Variants in GABRB3 observed in about 807,000 individuals in gnomAD.
GABRB3 encodes gamma-aminobutyric acid receptor subunit beta-3.
A neutral mutation model predicts 52.1 loss-of-function variants in GABRB3; 14 were observed. The observed-to-expected ratio is 0.27, with a 90% CI of 0.18 to 0.42. The LOEUF (loss-of-function observed/expected upper bound fraction) is 0.42, where lower values mean the gene tolerates loss of function less well. Among genes scored for constraint, GABRB3 ranks in the 10% least tolerant of loss-of-function variants. GABRB3 has a pLI of 1.00. For synonymous variants in GABRB3, 260 were observed against 232.3 expected, an observed-to-expected ratio of 1.12 and a Z score of -1.08; for missense variants, 307 against 609.1, an observed-to-expected ratio of 0.50 and a Z score of 5.22.
chr15:26,662,213 A>T (rs1254930406), intron 3 of GABRB3, among the ~76,000 whole-genome samples: 1 of 152,206 alleles, frequency 6.6e-6, no homozygotes, highest in Non-Finnish European at 1.5e-5. Context: ...ATTTCATACA[A>T]AGAAAATAGG....
At chr15:26,671,811 A>G (rs1238299252) in intron 3 of GABRB3, among the ~76,000 whole-genome samples, 2 of 152,008 alleles carry the variant, frequency 1.3e-5, no homozygotes, top group South Asian at 2.1e-4. Context: ...CCACGGGGGG[A>G]CAAGGTGGTG....
chr15:26,743,528 C>G (rs1259658840), intron 3 of GABRB3, among the ~76,000 whole-genome samples: 2 of 152,120 alleles, frequency 1.3e-5, no homozygotes, highest in Non-Finnish European at 2.9e-5. Context: ...TTTCTCAAGT[C>G]AGAATAATGC....
intron 3 of GABRB3, among the ~76,000 whole-genome samples, chr15:26,671,616 G>A (rs144859920): frequency 5.3e-5 from 8 of 152,308 alleles, no homozygotes; most frequent in East Asian, 1.9e-4. Context: ...TGGATGAGTC[G>A]TATTAAAGAA....
intron 3 of GABRB3, among the ~76,000 whole-genome samples, chr15:26,702,035 C>T (rs1478699572): frequency 6.6e-6 from 1 of 152,118 alleles, no homozygotes; most frequent in Non-Finnish European, 1.5e-5. Flanking sequence ...TAGGCGAAAA[C>T]ATCCATACCC....
At chr15:26,754,331 C>A (rs1382792397) in intron 3 of GABRB3, among the ~76,000 whole-genome samples, 1 of 152,086 alleles carries the variant, frequency 6.6e-6, no homozygotes, top group Admixed American at 6.5e-5. Flanking sequence ...AAGAGAGAGA[C>A]AGAGACAGAG....
At chr15:26,658,321 AT>A (rs1247428296) in intron 3 of GABRB3, 1 of 152,224 alleles carries the variant, frequency 6.6e-6, no homozygotes, top group East Asian at 1.9e-4. Flanking sequence ...TGAGGAAATA[AT>A]AAAACTCCTG....
intron 3 of GABRB3, among the ~76,000 whole-genome samples, chr15:26,645,460 G>A (rs1369489769): frequency 6.6e-6 from 1 of 152,172 alleles, no homozygotes; most frequent in Non-Finnish European, 1.5e-5. Context: ...GATGCAATGT[G>A]GCTCTCAATA....
intron 3 of GABRB3, among the ~76,000 whole-genome samples, chr15:26,731,063 G>GCTCTCT (rs1245667511): frequency 1.5e-4 from 12 of 80,962 alleles, no homozygotes; most frequent in Admixed American, 7.1e-4. Flanking sequence ...TCTCTCACTC[G>GCTCTCT]CTCTCGCTCT....
At chr15:26,643,301 G>A (rs1566788450) in intron 3 of GABRB3, among the ~76,000 whole-genome samples, 1 of 152,184 alleles carries the variant, frequency 6.6e-6, no homozygotes, top group Non-Finnish European at 1.5e-5. Flanking sequence ...CACAGCCTCA[G>A]AATGATGGGA....
chr15:26,698,887 T>C (rs1308719165), intron 3 of GABRB3, among the ~76,000 whole-genome samples: 3 of 152,176 alleles, frequency 2.0e-5, no homozygotes, highest in Non-Finnish European at 4.4e-5. Context: ...ACTAAAACAA[T>C]GACAAAAACA....
In GABRB3 at chr15:26,772,392, G is replaced by C. The variant is rs1891173718; in HGVS notation, c.240+10C>G. ...GGCTCAGGGACCGCCCTGGGAGGGCGGGCACTCACCATGTTGACTTCGGAA... is the reference window on the plus strand; with the variant it reads ...GGCTCAGGGACCGCCCTGGGAGGGCCGGCACTCACCATGTTGACTTCGGAA... On this transcript the variant is annotated intron_variant, in intron 3 of 8. Coordinates refer to ENST00000311550, the MANE Select transcript of GABRB3 (RefSeq NM_000814.6). 1 of 1,605,774 alleles carries C rather than the reference G, an allele frequency of 6.2e-7. No individual in the cohort carries two copies. The highest frequency in any genetic ancestry group is 8.5e-7 in the Non-Finnish European group (1 of 1,176,148).
At chr15:26,700,074 C>T (rs1202863341) in intron 3 of GABRB3, among the ~76,000 whole-genome samples, 3 of 151,362 alleles carry the variant, frequency 2.0e-5, no homozygotes, top group South Asian at 4.2e-4. Context: ...TCAAAAAAAT[C>T]AATAAACCTT....
At chr15:26,585,687 T>A (rs1890956218) in intron 4 of GABRB3, among the ~76,000 whole-genome samples, 1 of 152,210 alleles carries the variant, frequency 6.6e-6, no homozygotes, top group Non-Finnish European at 1.5e-5. Flanking sequence ...ATGGTGAAAG[T>A]GTGTTCCTTC....
At chr15:26,765,244 A>G (rs980763883) in intron 3 of GABRB3, among the ~76,000 whole-genome samples, 5 of 152,040 alleles carry the variant, frequency 3.3e-5, no homozygotes, top group African/African-American at 4.8e-5. Context: ...ATTGGTGCTT[A>G]GAATATCCTC....
At chr15:26,764,301 G>A (rs576536485) in intron 3 of GABRB3, among the ~76,000 whole-genome samples, 243 of 145,498 alleles carry the variant, frequency 1.7e-3, no homozygotes, top group African/African-American at 6.0e-3. Context: ...TTGTAGAACT[G>A]GGGTAAAACA....
At chr15:26,718,604 G>GT (rs773697909) in intron 3 of GABRB3, among the ~76,000 whole-genome samples, 197 of 151,298 alleles carry the variant, frequency 1.3e-3, no homozygotes, top group Non-Finnish European at 1.1e-3. Flanking sequence ...TGCTCAATGT[G>GT]TTTTTTTTTC....
chr15:26,752,061 T>C (rs1890525502), intron 3 of GABRB3, among the ~76,000 whole-genome samples: 1 of 152,086 alleles, frequency 6.6e-6, no homozygotes, highest in Non-Finnish European at 1.5e-5. Flanking sequence ...CCTAGTGTTA[T>C]TTAACTAGCA....
At chr15:26,606,824 A>AGATATATT (rs1891850355) in intron 4 of GABRB3, among the ~76,000 whole-genome samples, 2 of 118,020 alleles carry the variant, frequency 1.7e-5, no homozygotes, top group Admixed American at 8.4e-5. Flanking sequence ...ATAGATAGAT[A>AGATATATT]GATAGATAGA....
Position 26,547,960 on chromosome 15 carries a change from T to C in GABRB3, c.1255A>G (p.Arg419Gly), listed in dbSNP as rs1176582489. ...TGGGTCTTCTTGTGCGGGAGGCTTC[T>C]GTCCCCCAGGAATCGCCCATGCCCT... ...REGHGRFLGD[R>G]SLPHKKTHLR... Residue 419 changes from arginine to glycine, a missense_variant, in exon 9 of 9, where the codon AGA (arginine) becomes GGA (glycine). Physicochemically the swap from Arg to Gly is moderately radical, Grantham distance 125. Coordinates refer to ENST00000311550, the MANE Select transcript of GABRB3 (RefSeq NM_000814.6). The C allele has an allele frequency of 6.2e-7, 1 of 1,614,240 alleles. No individual in the cohort carries two copies. Among genetic ancestry groups the C allele is most frequent in the East Asian group, 2.2e-5 (1 of 44,880 alleles).
Sources: gnomAD v4.1 joint callset for allele counts (sites outside exome capture counted in the v4.1 genomes callset) on GRCh38, gnomAD v4.1.1 for gene constraint, MANE v1.5 for transcripts, NCBI Gene and HGNC (gene_info 2026-07-23, HGNC 2026-07-21) for gene names.